The following FAM53B variants were observed in gnomAD, a reference collection of about 807,000 sequenced individuals.
FAM53B encodes the protein protein FAM53B.
Under a neutral mutation model 32.7 loss-of-function variants are expected in FAM53B, and 12 were observed. That is an observed-to-expected ratio of 0.37 (90% CI 0.24 to 0.59). The LOEUF (loss-of-function observed/expected upper bound fraction) is 0.59, where lower values mean the gene tolerates loss of function less well. FAM53B is among the 20% of genes least tolerant of loss of function. The pLI, the probability that FAM53B is intolerant of heterozygous loss-of-function variation, is 0.72. For synonymous variants in FAM53B, 234 were observed against 228.7 expected, an observed-to-expected ratio of 1.02 and a Z score of -0.21; for missense variants, 477 against 577.7, an observed-to-expected ratio of 0.83 and a Z score of 1.79.
chr10:124,724,389 C>T (rs967018398), intron 1 of FAM53B, among the ~76,000 whole-genome samples: 4 of 152,210 alleles, frequency 2.6e-5, no homozygotes, highest in Non-Finnish European at 4.4e-5. Context: ...CCAGCGCCAG[C>T]GCCCTCACAA....
intron 4 of FAM53B, 55 bp from the exon 5 acceptor site, chr10:124,623,659 AG>A: frequency 6.5e-7 from 1 of 1,533,594 alleles, no homozygotes; most frequent in Non-Finnish European, 8.7e-7. Flanking sequence ...CCGCAGCCCC[AG>A]GACTGCACAC....
chr10:124,739,886 G>C (rs1310558071), intron 1 of FAM53B, among the ~76,000 whole-genome samples: 16 of 151,772 alleles, frequency 1.1e-4, no homozygotes, highest in Non-Finnish European at 2.4e-4. Flanking sequence ...ATTTTCTCGG[G>C]TTCCTAAGGC....
At chr10:124,678,439 T>A (rs994449486) in intron 4 of FAM53B, among the ~76,000 whole-genome samples, 2 of 152,154 alleles carry the variant, frequency 1.3e-5, no homozygotes, top group East Asian at 3.8e-4. Context: ...CCTGTGGCGG[T>A]GGTGGCATCT....
At chr10:124,648,237 G>A (rs1289428807) in intron 4 of FAM53B, among the ~76,000 whole-genome samples, 3 of 152,224 alleles carry the variant, frequency 2.0e-5, no homozygotes, top group Non-Finnish European at 4.4e-5. Context: ...AAAACCCCAC[G>A]CTCAAGACCA....
At chr10:124,676,783 CAG>C (rs1949739211) in intron 4 of FAM53B, among the ~76,000 whole-genome samples, 1 of 152,192 alleles carries the variant, frequency 6.6e-6, no homozygotes, top group Non-Finnish European at 1.5e-5. Context: ...ATACGGCTCT[CAG>C]AGGCTTCCCA....
chr10:124,680,909 C>T (rs781457812), intron 4 of FAM53B, among the ~76,000 whole-genome samples: 14 of 152,206 alleles, frequency 9.2e-5, no homozygotes, highest in East Asian at 3.8e-4. Context: ...GGCTCAGAGA[C>T]GCTCCTGATG....
At chr10:124,728,614 G>C (rs1316438000) in intron 1 of FAM53B, among the ~76,000 whole-genome samples, 3 of 152,240 alleles carry the variant, frequency 2.0e-5, no homozygotes, top group Non-Finnish European at 4.4e-5. Context: ...GCACAGAACA[G>C]AGGATTCTGT....
intron 1 of FAM53B, among the ~76,000 whole-genome samples, chr10:124,731,941 A>G (rs1441660430): frequency 6.6e-6 from 1 of 152,172 alleles, no homozygotes; most frequent in African/African-American, 2.4e-5. Context: ...TGCATTTGGC[A>G]TGAAGACCCA....
At position 124,706,729 on chromosome 10, in the gene FAM53B, C is replaced by T. The variant is rs992450219; in HGVS notation, c.-16G>A. 7 of 1,613,912 alleles carry T rather than the reference C, an allele frequency of 4.3e-6. No individual in the cohort carries two copies. Among genetic ancestry groups the T allele is most frequent in the African/African-American group, 4.0e-5 (3 of 74,924 alleles). ...CCATCACCATGATAAGGGCCTCAGG[C>T]GCTGGGCTCCATCCCAGGGTGGGTA... On this transcript the variant is annotated 5_prime_UTR_variant, in exon 2 of 5. Coordinates refer to ENST00000337318, the MANE Select transcript of FAM53B (RefSeq NM_014661.4).
chr10:124,720,367 G>A (rs1160504626), intron 1 of FAM53B, among the ~76,000 whole-genome samples: 2 of 152,204 alleles, frequency 1.3e-5, no homozygotes, highest in Non-Finnish European at 2.9e-5. Flanking sequence ...TCAGGAGGCG[G>A]AAGCAAGAGA....
At chr10:124,701,491 G>A (rs909183328) in intron 2 of FAM53B, among the ~76,000 whole-genome samples, 1 of 152,230 alleles carries the variant, frequency 6.6e-6, no homozygotes, top group African/African-American at 2.4e-5. Flanking sequence ...AGGGAGGATG[G>A]GCTGCAGAAA....
At chr10:124,669,446 G>A (rs1348462292) in intron 4 of FAM53B, among the ~76,000 whole-genome samples, 2 of 152,230 alleles carry the variant, frequency 1.3e-5, no homozygotes, top group Non-Finnish European at 2.9e-5. Flanking sequence ...GAAATGCAGA[G>A]TCTGCTCAAG....
intron 1 of FAM53B, among the ~76,000 whole-genome samples, chr10:124,732,177 G>C (rs889365644): frequency 1.3e-5 from 2 of 152,176 alleles, no homozygotes; most frequent in Non-Finnish European, 2.9e-5. Flanking sequence ...GCCACACAGG[G>C]AACAAGTGCC....
intron 1 of FAM53B, among the ~76,000 whole-genome samples, chr10:124,708,887 T>G (rs1218395429): frequency 6.6e-6 from 1 of 152,238 alleles, no homozygotes; most frequent in Non-Finnish European, 1.5e-5. Flanking sequence ...CACAACTGAG[T>G]TGGAATCCCA....
chr10:124,658,961 C>T (rs1949612718), intron 4 of FAM53B, among the ~76,000 whole-genome samples: 1 of 152,240 alleles, frequency 6.6e-6, no homozygotes, highest in Non-Finnish European at 1.5e-5. Context: ...GAACCGGCAC[C>T]ATGGCCCTAG....
rs766731243 is a variant in FAM53B at position 124,681,713 on chromosome 10, C to T, written c.800G>A (p.Arg267His). ...GTCGTTAAGGACACACGGCTGGGAG[C>T]GGCTGCGGGAAAGGCCGCTGGAGCG... is the stretch of plus-strand genomic sequence containing the variant. ...ARRSSGLSRS[R>H]SQPCVLNDKK... The change falls in exon 4 of 5, where the codon CGC becomes CAC. Residue 267 changes from arginine to histidine, a missense_variant. Arg to His is a conservative substitution (Grantham distance 29). Coordinates refer to ENST00000337318, the MANE Select transcript of FAM53B (RefSeq NM_014661.4). 14 of 1,610,624 alleles carry T rather than the reference C, an allele frequency of 8.7e-6. No homozygotes were observed. Among genetic ancestry groups the T allele is most frequent in the Admixed American group, 6.7e-5 (4 of 59,506 alleles).
At chr10:124,706,541 C>T (rs1949959561) in intron 2 of FAM53B, 95 bp downstream of exon 2, 5 of 1,515,798 alleles carry the variant, frequency 3.3e-6, no homozygotes, top group African/African-American at 1.4e-5. Context: ...ACTCTGGACT[C>T]GATTTGCTAA....
At chr10:124,641,038 G>C (rs1949468059) in intron 4 of FAM53B, among the ~76,000 whole-genome samples, 1 of 152,188 alleles carries the variant, frequency 6.6e-6, no homozygotes, top group Non-Finnish European at 1.5e-5. Flanking sequence ...GGGAGAGGCT[G>C]AAAGCACCCA....
At chr10:124,738,662 A>G (rs1167837307) in intron 1 of FAM53B, among the ~76,000 whole-genome samples, 1 of 152,052 alleles carries the variant, frequency 6.6e-6, no homozygotes, top group Non-Finnish European at 1.5e-5. Context: ...TACCAAGTTC[A>G]GTCACACTGG....
Sources: allele counts gnomAD v4.1 joint callset (sites outside exome capture counted in the v4.1 genomes callset), GRCh38; gene constraint gnomAD v4.1.1; transcripts MANE v1.5; gene names NCBI Gene and HGNC (gene_info 2026-07-23, HGNC 2026-07-21).